The following FAM78B variants were observed in gnomAD, a reference collection of about 807,000 sequenced individuals.
FAM78B encodes family with sequence similarity 78 member B.
In FAM78B, 10 loss-of-function variants were observed where a neutral mutation model predicts 20.0. The ratio of observed to expected loss-of-function variants is 0.50; its 90% CI spans 0.31 to 0.85. The LOEUF is 0.85. FAM78B is among the 40% of genes least tolerant of loss of function. The probability of loss-of-function intolerance (pLI) is 0.05; values close to 1 mark genes in which losing one functional copy is unlikely to be tolerated. For missense variants in FAM78B, 283 were observed against 345.0 expected (o/e 0.82, Z 1.42); for synonymous variants, 135 against 132.8 (o/e 1.02, Z -0.12).
intron 1 of FAM78B, among the ~76,000 whole-genome samples, chr1:166,091,283 G>C (rs1477749428): frequency 2.6e-5 from 4 of 152,150 alleles, no homozygotes; most frequent in African/African-American, 7.2e-5. Context: ...ATATGGTTTG[G>C]CTGTGTCCCC....
chr1:166,125,506 G>A (rs539365339), intron 1 of FAM78B, among the ~76,000 whole-genome samples: 1 of 152,346 alleles, frequency 6.6e-6, no homozygotes, highest in South Asian at 2.1e-4. Flanking sequence ...CAATGTCAAA[G>A]TCAGATATGA....
At chr1:166,098,042 C>G (rs1277889018) in intron 1 of FAM78B, among the ~76,000 whole-genome samples, 1 of 152,124 alleles carries the variant, frequency 6.6e-6, no homozygotes, top group Non-Finnish European at 1.5e-5. Flanking sequence ...AACCATAGAC[C>G]CACATCACAG....
intron 1 of FAM78B, among the ~76,000 whole-genome samples, chr1:166,092,063 G>A (rs1653098492): frequency 7.3e-6 from 1 of 136,806 alleles, no homozygotes; most frequent in Admixed American, 7.5e-5. Context: ...AAAACAAAAA[G>A]TGGGGGAAGC....
intron 1 of FAM78B, among the ~76,000 whole-genome samples, chr1:166,133,656 G>A (rs1042948909): frequency 6.6e-6 from 1 of 151,848 alleles, no homozygotes; most frequent in African/African-American, 2.4e-5. Flanking sequence ...GATTTTTGGT[G>A]GTTAGAAATG....
chr1:166,149,559 G>C (rs1278869394), intron 1 of FAM78B, among the ~76,000 whole-genome samples: 1 of 152,172 alleles, frequency 6.6e-6, no homozygotes, highest in South Asian at 2.1e-4. Context: ...TAAACCTGCT[G>C]AATCAGTTCA....
At chr1:166,147,244 G>A (rs975440493) in intron 1 of FAM78B, among the ~76,000 whole-genome samples, 10 of 152,194 alleles carry the variant, frequency 6.6e-5, no homozygotes, top group Non-Finnish European at 1.3e-4. Context: ...AAAGTCCTAG[G>A]GGTTGTTGAA....
At chr1:166,056,065 G>A (rs1328882479), downstream of FAM78B, among the ~76,000 whole-genome samples, 2 of 152,208 alleles carry the variant, frequency 1.3e-5, no homozygotes, top group African/African-American at 4.8e-5. Context: ...GCTTGCTCCA[G>A]AGTTGAGCAT....
intron 1 of FAM78B, among the ~76,000 whole-genome samples, chr1:166,129,731 C>T (rs1425807692): frequency 6.6e-6 from 1 of 152,140 alleles, no homozygotes; most frequent in African/African-American, 2.4e-5. Flanking sequence ...GCTTCTTCTC[C>T]TGCACTTTCT....
At chr1:166,137,786 T>C (rs1040886299) in intron 1 of FAM78B, among the ~76,000 whole-genome samples, 9 of 152,208 alleles carry the variant, frequency 5.9e-5, no homozygotes, top group Non-Finnish European at 1.0e-4. Flanking sequence ...AAATGCAGAA[T>C]AGTACTATGG....
At chr1:166,109,862 G>GTATATA (rs1491187344) in intron 1 of FAM78B, among the ~76,000 whole-genome samples, 11 of 16,252 alleles carry the variant, frequency 6.8e-4, no homozygotes, top group Non-Finnish European at 1.1e-3. Context: ...ATATATATAT[G>GTATATA]TATGTGTATA....
At chr1:166,062,745 T>C (rs1651643614) in intron 2 of FAM78B, among the ~76,000 whole-genome samples, 1 of 152,366 alleles carries the variant, frequency 6.6e-6, no homozygotes, top group South Asian at 2.1e-4. Flanking sequence ...ATAATTTAAT[T>C]GGCTGTCTTG....
At chr1:166,070,981 C>G (rs540725199) in intron 1 of FAM78B, among the ~76,000 whole-genome samples, 1 of 152,162 alleles carries the variant, frequency 6.6e-6, no homozygotes, top group Non-Finnish European at 1.5e-5. Context: ...AAGTTAAATA[C>G]AACCATGGCT....
At chr1:166,160,900 G>A (rs77550427) in intron 1 of FAM78B, among the ~76,000 whole-genome samples, 2,431 of 152,248 alleles carry the variant, frequency 0.016, 68 homozygotes, top group African/African-American at 0.056. Flanking sequence ...TAAGAACAGC[G>A]CATCTTGAAG....
At chr1:166,057,904 G>A (rs934587371) in exon 3 of FAM78B, 2 of 152,050 alleles carry the variant, frequency 1.3e-5, no homozygotes, top group African/African-American at 2.4e-5. Flanking sequence ...AATAGGCTAC[G>A]TTTCCCAGCG....
intron 1 of FAM78B, among the ~76,000 whole-genome samples, chr1:166,101,968 G>C (rs1188968301): frequency 6.6e-6 from 1 of 152,150 alleles, no homozygotes; most frequent in Non-Finnish European, 1.5e-5. Context: ...AGAAAGGTCA[G>C]GTTACCCACA....
downstream of FAM78B, among the ~76,000 whole-genome samples, chr1:166,064,737 T>C (rs1204884360): frequency 6.6e-6 from 1 of 152,230 alleles, no homozygotes; most frequent in Non-Finnish European, 1.5e-5. Context: ...TCAGGCCCTG[T>C]GATTCTACTC....
chr1:166,114,882 A>C (rs1464068421), intron 1 of FAM78B, among the ~76,000 whole-genome samples: 1 of 152,210 alleles, frequency 6.6e-6, no homozygotes, highest in Non-Finnish European at 1.5e-5. Context: ...CATCTGATGC[A>C]TGTGTATCCT....
rs138182848 is a variant in FAM78B, at chr1:166,146,835, T to C, written c.263+19151A>G. Among the ~76,000 whole-genome samples the C allele has an allele frequency of 1.8e-3, 278 of 152,294 alleles. 1 individual carries two copies. Among genetic ancestry groups the C allele is most frequent in the African/African-American group, 6.3e-3 (262 of 41,566 alleles). The stretch of plus-strand genomic sequence containing the variant: ...TCATTTCATTTGTGCTGGCAGGAGT[T>C]ATCCTGAGCTTCCTCTTTGCAAGCT... On this transcript the variant is annotated intron_variant, in intron 1 of 1. Coordinates refer to ENST00000354422, the MANE Select transcript of FAM78B (RefSeq NM_001017961.5).
At position 166,069,326 on chromosome 1, in the gene FAM78B, T is replaced by C. The variant is rs1035211151; in HGVS notation, c.*915A>G. ...GAATGAAAATGCTGTTCTTATTTGC[T>C]GAAATGTTCTTGAACCTTACATGGA... On this transcript the variant is annotated 3_prime_UTR_variant, in exon 2 of 2. Transcript: ENST00000354422. Among the ~76,000 whole-genome samples, 3 of 152,220 alleles carry C rather than the reference T, an allele frequency of 2.0e-5. No homozygotes were observed. The highest frequency in any genetic ancestry group is 4.4e-5 in the Non-Finnish European group (3 of 68,036).
Sources: allele counts gnomAD v4.1 joint callset (sites outside exome capture counted in the v4.1 genomes callset), GRCh38; gene constraint gnomAD v4.1.1; transcripts MANE v1.5; gene names NCBI Gene and HGNC (gene_info 2026-07-23, HGNC 2026-07-21).